Variants in CNTNAP3B observed in about 807,000 individuals in gnomAD.
CNTNAP3B encodes contactin-associated protein-like 3B.
In CNTNAP3B, 25 loss-of-function variants were observed where a neutral mutation model predicts 108.9. That is an observed-to-expected ratio of 0.23 (90% CI 0.17 to 0.32). The LOEUF (loss-of-function observed/expected upper bound fraction) is 0.32, where lower values mean the gene tolerates loss of function less well. Ranked by LOEUF, CNTNAP3B falls within the 10% of genes least tolerant of loss-of-function variation. The pLI, the probability that CNTNAP3B is intolerant of heterozygous loss-of-function variation, is 1.00. For missense variants in CNTNAP3B, 252 were observed against 1,210.4 expected (o/e 0.21, Z 11.75); for synonymous variants, 103 against 473.4 (o/e 0.22, Z 10.16).
chr9:42,124,542 G>T (rs1345806190), intron 1 of CNTNAP3B, among the ~76,000 whole-genome samples: 3 of 127,608 alleles, frequency 2.4e-5, no homozygotes, highest in Non-Finnish European at 4.9e-5. Context: ...GACTTGACAT[G>T]TGCACAGTCA....
intron 13 of CNTNAP3B, among the ~76,000 whole-genome samples, chr9:41,951,014 G>C (rs1409582957): frequency 9.1e-4 from 94 of 102,936 alleles, no homozygotes; most frequent in African/African-American, 3.1e-3. Context: ...TCGGCCTCCC[G>C]AAGTGTTGGG....
rs1335301924 is a variant in CNTNAP3B, at chr9:42,025,004, C to T, written c.391-11479G>A. Among the ~76,000 whole-genome samples, 3 of 146,306 alleles carry T rather than the reference C, an allele frequency of 2.1e-5. 1 individual carries two copies. The highest frequency in any genetic ancestry group is 7.7e-5 in the African/African-American group (3 of 38,738). Reference sequence around the variant, plus strand: ...TGTTGGCTCACAATAAAGTCTGTCCCATCTGTGAATAATTCTAACTGGGCA... The same window carrying T: ...TGTTGGCTCACAATAAAGTCTGTCCTATCTGTGAATAATTCTAACTGGGCA... On this transcript the variant is annotated intron_variant, in intron 3 of 23. Coordinates refer to ENST00000377561, the MANE Select transcript of CNTNAP3B (RefSeq NM_001201380.3).
At chr9:41,952,293 G>A (rs1359891855) in intron 13 of CNTNAP3B, among the ~76,000 whole-genome samples, 1 of 152,114 alleles carries the variant, frequency 6.6e-6, no homozygotes, top group Non-Finnish European at 1.5e-5. Context: ...GTTTTTTTAA[G>A]ACAAGGTGTT....
intron 13 of CNTNAP3B, among the ~76,000 whole-genome samples, chr9:41,940,613 G>C (rs887088802): frequency 2.6e-5 from 4 of 152,378 alleles, no homozygotes; most frequent in Admixed American, 6.5e-5. Context: ...AGGTCAGATC[G>C]AGACCATCCT....
At chr9:42,043,102 A>T (rs62553655) in intron 3 of CNTNAP3B, among the ~76,000 whole-genome samples, 1 of 129,862 alleles carries the variant, frequency 7.7e-6, no homozygotes, top group Non-Finnish European at 1.7e-5. Flanking sequence ...ACCATAATCA[A>T]CTTCACCCAA....
At chr9:42,066,093 C>T (rs1460797016) in intron 3 of CNTNAP3B, among the ~76,000 whole-genome samples, 1 of 132,594 alleles carries the variant, frequency 7.5e-6, no homozygotes, top group African/African-American at 3.0e-5. Context: ...GAACATTCTT[C>T]AAAGTAAAAT....
chr9:42,062,814 T>C (rs573689410), intron 3 of CNTNAP3B, among the ~76,000 whole-genome samples: 1 of 95,194 alleles, frequency 1.1e-5, no homozygotes, highest in African/African-American at 3.9e-5. Context: ...GTATATCTAG[T>C]ACAGGTTTTT....
chr9:41,929,951 G>C (rs1368859880), intron 14 of CNTNAP3B, among the ~76,000 whole-genome samples: 33 of 152,038 alleles, frequency 2.2e-4, no homozygotes, highest in Non-Finnish European at 4.3e-4. Flanking sequence ...TACAGAGAAG[G>C]GGAAAAATCA....
chr9:41,918,403 TTGA>T (rs1243944745), intron 18 of CNTNAP3B, among the ~76,000 whole-genome samples: 9 of 146,656 alleles, frequency 6.1e-5, no homozygotes, highest in Non-Finnish European at 1.4e-4. Context: ...TTATGAAAGG[TTGA>T]TATTTTAATT....
chr9:41,973,927 C>T (rs926941992), intron 9 of CNTNAP3B, among the ~76,000 whole-genome samples: 2 of 136,530 alleles, frequency 1.5e-5, no homozygotes, highest in African/African-American at 2.9e-5. Context: ...TCACTGCAAC[C>T]TTTGCCTTCC....
chr9:41,933,704 T>A (rs919232649), intron 14 of CNTNAP3B, among the ~76,000 whole-genome samples: 1 of 152,294 alleles, frequency 6.6e-6, no homozygotes, highest in Non-Finnish European at 1.5e-5. Context: ...AATCATATTA[T>A]CTACAATATC....
At position 42,086,425 on chromosome 9, in the gene CNTNAP3B, C is replaced by A. The variant is rs564349321; in HGVS notation, c.197-9363G>T. Among the ~76,000 whole-genome samples the A allele has an allele frequency of 1.4e-4, 19 of 138,854 alleles. No individual in the cohort carries two copies. The South Asian group carries it at 4.1e-3, about 30-fold the overall frequency. The allele number at this position is 138,854 out of a possible 152,430, so 91.1% of individuals were successfully genotyped here. A position where few individuals can be genotyped will look rare whatever the true frequency, so the allele number is the denominator to read the frequency against. ...TTTTTTTACATTTTTTACATTTTTG[C>A]ATTTACTTTTTTTTTTTACATTTTT... On this transcript the variant is annotated intron_variant, in intron 2 of 23. Coordinates refer to ENST00000377561, the MANE Select transcript of CNTNAP3B (RefSeq NM_001201380.3).
chr9:42,090,300 TAGTTTTCTTAAGG>T (rs1448443416), intron 2 of CNTNAP3B, among the ~76,000 whole-genome samples: 2 of 91,930 alleles, frequency 2.2e-5, no homozygotes, highest in East Asian at 6.6e-4. Flanking sequence ...TTGGATCACA[TAGTTTTCTTAAGG>T]AGACACTTAA....
At chr9:41,916,597 G>T (rs1367499131) in intron 18 of CNTNAP3B, among the ~76,000 whole-genome samples, 1 of 147,272 alleles carries the variant, frequency 6.8e-6, no homozygotes, top group African/African-American at 2.5e-5. Flanking sequence ...ATACCTAATA[G>T]TTGTATGTAT....
intron 9 of CNTNAP3B, chr9:41,983,867 G>C (rs1825678617): frequency 1.1e-5 from 1 of 92,198 alleles, no homozygotes. Flanking sequence ...GGCTAACATG[G>C]TGAAAACCCC....
rs977915960 is a variant in CNTNAP3B at position 41,927,892 on chromosome 9, G to GA, written c.2365+1424dup. 2.2e-5 allele frequency among the ~76,000 whole-genome samples: 3 copies of GA among 136,040 alleles called. No individual in the cohort carries two copies. In the South Asian group the frequency reaches 7.1e-4, roughly 32 times the overall value. The allele number at this position is 136,040 out of a possible 152,430, so 89.2% of individuals were successfully genotyped here. A position where few individuals can be genotyped will look rare whatever the true frequency, so the allele number is the denominator to read the frequency against. ...GAGATTAAAGCCATTGGAAGAAACA[G>GA]AAAAAATGTATGGGGGGCAAAGGAA... On this transcript the variant is annotated intron_variant, in intron 15 of 23. Coordinates refer to ENST00000377561, the MANE Select transcript of CNTNAP3B (RefSeq NM_001201380.3).
chr9:41,963,640 T>G (rs1482019114), intron 11 of CNTNAP3B, among the ~76,000 whole-genome samples: 1 of 151,754 alleles, frequency 6.6e-6, no homozygotes, highest in African/African-American at 2.4e-5. Flanking sequence ...GATTCTGATT[T>G]AGTAGGTTTG....
chr9:41,941,425 AC>A (rs1824339007), intron 13 of CNTNAP3B, among the ~76,000 whole-genome samples: 1 of 151,072 alleles, frequency 6.6e-6, no homozygotes, highest in African/African-American at 2.5e-5. Context: ...AGACTTCAGA[AC>A]AAAAATACTA....
rs549312853 is a variant in CNTNAP3B, at chr9:42,107,656, C to G, written c.86-2917G>C. Among the ~76,000 whole-genome samples, 3 of 134,068 alleles carry G rather than the reference C, an allele frequency of 2.2e-5. 1 individual carries two copies. The highest frequency in any genetic ancestry group is 4.9e-4 in the South Asian group (2 of 4,110). 88.0% of individuals were successfully genotyped at this position (134,068 alleles called of 152,430 possible). Reference sequence around the variant, plus strand: ...CTTGTAATGAAGAAAATTTCTGGCACAGGCTTGAATAAATCTTGCCCTTCA... The same window carrying G: ...CTTGTAATGAAGAAAATTTCTGGCAGAGGCTTGAATAAATCTTGCCCTTCA... On this transcript the variant is annotated intron_variant, in intron 1 of 23. Coordinates refer to ENST00000377561, the MANE Select transcript of CNTNAP3B (RefSeq NM_001201380.3).
Sources: allele counts gnomAD v4.1 joint callset (sites outside exome capture counted in the v4.1 genomes callset), GRCh38; gene constraint gnomAD v4.1.1; transcripts MANE v1.5; gene names NCBI Gene and HGNC (gene_info 2026-07-23, HGNC 2026-07-21).